Variants in JAKMIP2 observed in about 807,000 individuals in gnomAD.
The protein encoded by JAKMIP2 is janus kinase and microtubule interacting protein 2.
A neutral mutation model predicts 115.0 loss-of-function variants in JAKMIP2; 25 were observed. The ratio of observed to expected loss-of-function variants is 0.22; its 90% confidence interval spans 0.16 to 0.30. The LOEUF (loss-of-function observed/expected upper bound fraction) is 0.30, where lower values mean the gene tolerates loss of function less well. Ranked by LOEUF, JAKMIP2 falls within the 10% of genes least tolerant of loss-of-function variation. The pLI is 1.00. For missense variants in JAKMIP2, 642 were observed against 957.6 expected (o/e 0.67, Z 4.35); for synonymous variants, 334 against 343.6 (o/e 0.97, Z 0.31).
intron 21 of JAKMIP2, 56 bp downstream of exon 21, chr5:147,601,685 T>A (rs1452808186): frequency 5.6e-6 from 7 of 1,247,982 alleles, no homozygotes; most frequent in East Asian, 5.3e-5. Flanking sequence ...ATAGGTAACA[T>A]CCTTTTTATC....
chr5:147,678,337 G>A (rs2126825079), intron 1 of JAKMIP2, among the ~76,000 whole-genome samples: 1 of 152,162 alleles, frequency 6.6e-6, no homozygotes, highest in African/African-American at 2.4e-5. Context: ...TCCACTCTCT[G>A]CTACTGTATG....
chr5:147,650,521 C>T lies in JAKMIP2; in HGVS notation c.654G>A (p.Arg218=). 1 of 1,613,350 alleles carries T rather than the reference C, an allele frequency of 6.2e-7. No individual in the cohort carries two copies. Among genetic ancestry groups the T allele is most frequent in the Non-Finnish European group, 8.5e-7 (1 of 1,179,744 alleles). The part of the protein sequence containing the change: ...RLMDEIKAKD[R]IIFSLEKELE... ...GTTCCTTTTCCAGGGAAAAGATGATCCTGTCCTTGGCTTTGATTTCATCCA... is the reference window on the plus strand; with the variant it reads ...GTTCCTTTTCCAGGGAAAAGATGATTCTGTCCTTGGCTTTGATTTCATCCA... Residue 218 remains arginine (R), a synonymous_variant, in exon 4 of 22, where the codon AGG becomes AGA. Transcript: ENST00000616793.
intron 1 of JAKMIP2, among the ~76,000 whole-genome samples, chr5:147,776,960 A>C (rs1366463804): frequency 1.3e-5 from 2 of 152,140 alleles, no homozygotes; most frequent in East Asian, 3.9e-4. Context: ...TAAAAATTAA[A>C]AAATAAAACT....
chr5:147,636,365 C>T (rs1243033075), intron 11 of JAKMIP2, 81 bp from the exon 12 acceptor site: 3 of 1,096,752 alleles, frequency 2.7e-6, no homozygotes, highest in Non-Finnish European at 4.1e-6. Context: ...TTTGCCAGAG[C>T]TGCCTTCTCC....
At chr5:147,714,409 C>G (rs955682232) in intron 1 of JAKMIP2, among the ~76,000 whole-genome samples, 4 of 152,018 alleles carry the variant, frequency 2.6e-5, no homozygotes, top group African/African-American at 9.7e-5. Context: ...GAATGAAAAA[C>G]AGGTCGAAAG....
intron 1 of JAKMIP2, among the ~76,000 whole-genome samples, chr5:147,731,900 A>G (rs1197016962): frequency 1.3e-5 from 2 of 152,214 alleles, no homozygotes; most frequent in African/African-American, 4.8e-5. Context: ...GTGTTGCAGC[A>G]TTGTTCTGGG....
intron 21 of JAKMIP2, among the ~76,000 whole-genome samples, chr5:147,594,042 C>T (rs1227169319): frequency 6.6e-6 from 1 of 152,136 alleles, no homozygotes; most frequent in African/African-American, 2.4e-5. Flanking sequence ...AGGTAAAACC[C>T]CTCATTTGAG....
At chr5:147,664,975 T>C in intron 2 of JAKMIP2, among the ~76,000 whole-genome samples, 1 of 152,162 alleles carries the variant, frequency 6.6e-6, no homozygotes, top group Non-Finnish European at 1.5e-5. Flanking sequence ...CCCTTCCCAG[T>C]ATAAAATGAC....
At chr5:147,739,214 G>A (rs1561569524) in intron 1 of JAKMIP2, among the ~76,000 whole-genome samples, 1 of 152,144 alleles carries the variant, frequency 6.6e-6, no homozygotes, top group Admixed American at 6.5e-5. Context: ...AAGAAAGATG[G>A]AGGGCAGCAG....
At chr5:147,751,376 G>A (rs1754553790) in intron 1 of JAKMIP2, among the ~76,000 whole-genome samples, 1 of 151,842 alleles carries the variant, frequency 6.6e-6, no homozygotes, top group Admixed American at 6.6e-5. Context: ...GGGATTTCAG[G>A]CGTGAGCCAG....
intron 1 of JAKMIP2, among the ~76,000 whole-genome samples, chr5:147,693,783 C>T (rs1448298153): frequency 3.3e-5 from 5 of 152,042 alleles, no homozygotes; most frequent in South Asian, 2.1e-4. Flanking sequence ...AAATTTCAAA[C>T]GACTGTTAAA....
chr5:147,594,890 G>A (rs191666830), intron 21 of JAKMIP2, among the ~76,000 whole-genome samples: 156 of 152,256 alleles, frequency 1.0e-3, no homozygotes, highest in Non-Finnish European at 2.0e-3. Context: ...AATCCTGGTA[G>A]GGAAGACATA....
chr5:147,617,600 G>A (rs968864083), intron 19 of JAKMIP2, among the ~76,000 whole-genome samples: 1 of 152,138 alleles, frequency 6.6e-6, no homozygotes, highest in African/African-American at 2.4e-5. Context: ...CCTGGAGAGT[G>A]TCCTGCTTCC....
At chr5:147,744,159 GC>G (rs1455849427) in intron 1 of JAKMIP2, among the ~76,000 whole-genome samples, 1 of 151,988 alleles carries the variant, frequency 6.6e-6, no homozygotes, top group Non-Finnish European at 1.5e-5. Flanking sequence ...CAGCAAATTG[GC>G]CTGTTTCCAA....
At position 147,618,123 on chromosome 5, in the gene JAKMIP2, T is replaced by C. The variant is rs749936157; in HGVS notation, c.2143-9A>G. ...TCTAGTTCCTGGATTCTCTGGCAAA[T>C]AGAATTAGAAAAGTCTAACTTTGGA... On this transcript the variant is annotated splice_polypyrimidine_tract_variant and intron_variant, in intron 18 of 21. Coordinates refer to ENST00000616793, the MANE Select transcript of JAKMIP2 (RefSeq NM_001270941.2). 2.5e-6 allele frequency: 4 copies of C among 1,606,794 alleles called. No homozygotes were observed. Among genetic ancestry groups the C allele is most frequent in the South Asian group, 2.2e-5 (2 of 90,944 alleles).
intron 14 of JAKMIP2, among the ~76,000 whole-genome samples, chr5:147,631,110 C>T (rs1453587735): frequency 3.3e-5 from 5 of 152,112 alleles, no homozygotes; most frequent in African/African-American, 4.8e-5. Flanking sequence ...AGTATTAAAT[C>T]GAATTCACAT....
chr5:147,718,130 T>C (rs1235071063), intron 1 of JAKMIP2, among the ~76,000 whole-genome samples: 20 of 150,016 alleles, frequency 1.3e-4, no homozygotes, highest in Non-Finnish European at 2.4e-4. Context: ...TTTGGCTCTG[T>C]TTATATGCTA....
In JAKMIP2 at chr5:147,591,700, G is replaced by GA. The variant is rs748839253; in HGVS notation, c.*21-15dup. 21 of 1,512,856 alleles carry GA rather than the reference G, an allele frequency of 1.4e-5. No homozygotes were observed. The highest frequency in any genetic ancestry group is 1.3e-5 in the Non-Finnish European group (14 of 1,103,120). 93.7% of individuals were successfully genotyped at this position (1,512,856 alleles called of 1,614,324 possible). A position where few individuals can be genotyped will look rare whatever the true frequency, so the allele number is the denominator to read the frequency against. The stretch of plus-strand genomic sequence containing the variant: ...TTTTCGGTTACTCTGCAAAACAGAG[G>GA]AAAAAAATTATTTATATATCAATTT... On this transcript the variant is annotated splice_polypyrimidine_tract_variant and intron_variant, in intron 21 of 21. Coordinates refer to ENST00000616793, the MANE Select transcript of JAKMIP2 (RefSeq NM_001270941.2).
At chr5:147,738,997 G>A (rs1264814440) in intron 1 of JAKMIP2, among the ~76,000 whole-genome samples, 3 of 152,124 alleles carry the variant, frequency 2.0e-5, no homozygotes, top group Non-Finnish European at 4.4e-5. Context: ...AAATTTTTGC[G>A]GGTGAAATGG....
Sources: allele counts gnomAD v4.1 joint callset (sites outside exome capture counted in the v4.1 genomes callset), GRCh38; gene constraint gnomAD v4.1.1; transcripts MANE v1.5; gene names NCBI Gene and HGNC (gene_info 2026-07-23, HGNC 2026-07-21).